The following GPR158 variants were observed in gnomAD, a reference collection of about 807,000 sequenced individuals.
GPR158 encodes G protein-coupled receptor 158, also known as metabotropic glycine receptor.
A neutral mutation model predicts 78.2 loss-of-function variants in GPR158; 30 were observed. That is an observed-to-expected ratio of 0.38 (90% CI 0.29 to 0.52). The LOEUF is 0.52. Ranked by LOEUF, GPR158 falls within the 20% of genes least tolerant of loss-of-function variation. The pLI is 0.83. For synonymous variants in GPR158, 581 were observed against 591.1 expected, an observed-to-expected ratio of 0.98 and a Z score of 0.25; for missense variants, 1,463 against 1,523.5, an observed-to-expected ratio of 0.96 and a Z score of 0.66.
chr10:25,301,745 G>A (rs967264530), intron 2 of GPR158, among the ~76,000 whole-genome samples: 3 of 151,994 alleles, frequency 2.0e-5, no homozygotes, highest in Non-Finnish European at 4.4e-5. Flanking sequence ...CAACTTTGTC[G>A]AGGGATAGTT....
At chr10:25,375,709 C>A (rs1467740427) in intron 2 of GPR158, among the ~76,000 whole-genome samples, 1 of 151,558 alleles carries the variant, frequency 6.6e-6, no homozygotes, top group Non-Finnish European at 1.5e-5. Context: ...GGCATATTTT[C>A]ATGAGTCTAA....
At chr10:25,183,488 A>C (rs939278268) in intron 1 of GPR158, among the ~76,000 whole-genome samples, 1 of 152,108 alleles carries the variant, frequency 6.6e-6, no homozygotes, top group African/African-American at 2.4e-5. Flanking sequence ...AGTAAAGTTT[A>C]TTTTTCCAAA....
At chr10:25,314,787 GCACA>G (rs946939681) in intron 2 of GPR158, among the ~76,000 whole-genome samples, 2 of 142,698 alleles carry the variant, frequency 1.4e-5, no homozygotes, top group African/African-American at 2.7e-5. Flanking sequence ...AAATATATAT[GCACA>G]CACACAGTGC....
intron 2 of GPR158, among the ~76,000 whole-genome samples, chr10:25,295,661 C>T (rs1162836301): frequency 1.3e-5 from 2 of 152,160 alleles, no homozygotes; most frequent in African/African-American, 4.8e-5. Flanking sequence ...GATCCACCCG[C>T]CTCGGCCTCC....
At chr10:25,194,365 C>G (rs1852816652) in intron 1 of GPR158, among the ~76,000 whole-genome samples, 1 of 152,040 alleles carries the variant, frequency 6.6e-6, no homozygotes, top group African/African-American at 2.4e-5. Flanking sequence ...ATGGTGAAAC[C>G]CCATCTCTAC....
chr10:25,235,684 T>C (rs1323429314), intron 2 of GPR158, among the ~76,000 whole-genome samples: 1 of 150,732 alleles, frequency 6.6e-6, no homozygotes. Context: ...TAAAGTGTTT[T>C]GCACAGTAAT....
intron 1 of GPR158, among the ~76,000 whole-genome samples, chr10:25,186,465 T>G (rs1852687027): frequency 6.6e-6 from 1 of 152,068 alleles, no homozygotes; most frequent in Non-Finnish European, 1.5e-5. Context: ...ACAAAATTGA[T>G]AGACCACTAG....
chr10:25,259,403 C>T (rs997644591), intron 2 of GPR158, among the ~76,000 whole-genome samples: 6 of 152,096 alleles, frequency 3.9e-5, no homozygotes, highest in East Asian at 1.9e-4. Flanking sequence ...TCAGTGCCTG[C>T]TCTTTTGTAT....
At chr10:25,317,760 G>A (rs1372475669) in intron 2 of GPR158, among the ~76,000 whole-genome samples, 7 of 138,962 alleles carry the variant, frequency 5.0e-5, no homozygotes, top group East Asian at 4.3e-4. Context: ...ACAGAGTCTC[G>A]CTTCTTCACC....
chr10:25,400,161 T>C (rs1213939135), intron 3 of GPR158, among the ~76,000 whole-genome samples: 1 of 152,190 alleles, frequency 6.6e-6, no homozygotes, highest in Non-Finnish European at 1.5e-5. Flanking sequence ...CCAGTGACTT[T>C]AGCTAGGACC....
chr10:25,190,737 CA>C (rs772404869), intron 1 of GPR158, among the ~76,000 whole-genome samples: 1 of 152,084 alleles, frequency 6.6e-6, no homozygotes, highest in Non-Finnish European at 1.5e-5. Context: ...CTTAAGAAAA[CA>C]AAAACAAACA....
intron 5 of GPR158, among the ~76,000 whole-genome samples, chr10:25,478,674 T>G (rs1374353978): frequency 4.6e-5 from 7 of 152,178 alleles, no homozygotes; most frequent in African/African-American, 1.7e-4. Flanking sequence ...CTTTAAGTTC[T>G]AGGGTACATG....
At chr10:25,529,212 C>G (rs1855674) in intron 5 of GPR158, among the ~76,000 whole-genome samples, 13,917 of 152,022 alleles carry the variant, frequency 0.092, 821 homozygotes, top group African/African-American at 0.16. Flanking sequence ...ACGGTGAAAC[C>G]CTGTCTGTAC....
intron 5 of GPR158, chr10:25,476,040 C>T (rs1835579401): frequency 6.6e-6 from 1 of 152,124 alleles, no homozygotes; most frequent in African/African-American, 2.4e-5. Flanking sequence ...AGATTATCAT[C>T]ATTGTGCAGA....
At chr10:25,219,975 G>C (rs2130681378) in intron 1 of GPR158, among the ~76,000 whole-genome samples, 1 of 152,238 alleles carries the variant, frequency 6.6e-6, no homozygotes, top group South Asian at 2.1e-4. Flanking sequence ...TTGTAATTGT[G>C]TGGGATTCTT....
chr10:25,428,030 G>T (rs1834847710), intron 4 of GPR158, among the ~76,000 whole-genome samples: 1 of 151,966 alleles, frequency 6.6e-6, no homozygotes, highest in African/African-American at 2.4e-5. Flanking sequence ...ACTAAAAGAT[G>T]AATGAGTTGG....
chr10:25,181,320 G>C (rs974100536), intron 1 of GPR158, among the ~76,000 whole-genome samples: 5 of 152,180 alleles, frequency 3.3e-5, no homozygotes, highest in Admixed American at 6.5e-5. Flanking sequence ...AAAACTAAAT[G>C]AAGAACTGTC....
At chr10:25,345,280 C>A (rs1258635131) in intron 2 of GPR158, among the ~76,000 whole-genome samples, 3 of 151,954 alleles carry the variant, frequency 2.0e-5, no homozygotes, top group Non-Finnish European at 4.4e-5. Flanking sequence ...GACGGAGGCT[C>A]TTCTGTTGCC....
At chr10:25,509,751 C>G (rs1836059354) in intron 5 of GPR158, among the ~76,000 whole-genome samples, 2 of 152,188 alleles carry the variant, frequency 1.3e-5, no homozygotes, top group Admixed American at 1.3e-4. Context: ...GAATCTCGCT[C>G]TGTCACCCAG....
Sources: allele counts gnomAD v4.1 joint callset (sites outside exome capture counted in the v4.1 genomes callset), GRCh38; gene constraint gnomAD v4.1.1; transcripts MANE v1.5; gene names NCBI Gene and HGNC (gene_info 2026-07-23, HGNC 2026-07-21).